RGS10: variants seen among roughly 807,000 people sequenced by gnomAD.
RGS10 encodes regulator of G-protein signalling 10.
RGS10 carries 11 observed loss-of-function variants against 23.5 expected under a neutral mutation model. That is an observed-to-expected ratio of 0.47 (90% CI 0.29 to 0.77). The LOEUF is 0.77. Ranked by LOEUF, RGS10 falls within the 30% of genes least tolerant of loss-of-function variation. RGS10 has a pLI of 0.08. For missense variants in RGS10, 180 were observed against 226.3 expected, an observed-to-expected ratio of 0.80 and a Z score of 1.31; for synonymous variants, 77 against 83.2, an observed-to-expected ratio of 0.92 and a Z score of 0.41.
intron 4 of RGS10, among the ~76,000 whole-genome samples, chr10:119,512,234 C>T (rs541729350): frequency 1.3e-4 from 20 of 152,286 alleles, no homozygotes; most frequent in South Asian, 4.2e-4. Context: ...AAGCCAAAGC[C>T]GCGGGAGAGG....
chr10:119,536,763 C>G (rs1028087744), intron 1 of RGS10, among the ~76,000 whole-genome samples: 1 of 152,118 alleles, frequency 6.6e-6, no homozygotes, highest in Non-Finnish European at 1.5e-5. Context: ...AGCCCTAGCC[C>G]GAAAACAAAG....
At chr10:119,541,119 A>T (rs1452370313) in intron 1 of RGS10, among the ~76,000 whole-genome samples, 1 of 152,238 alleles carries the variant, frequency 6.6e-6, no homozygotes, top group Non-Finnish European at 1.5e-5. Context: ...CATCACTGAA[A>T]CGGAGGCACA....
At chr10:119,533,195 G>T (rs746458565) in intron 1 of RGS10, among the ~76,000 whole-genome samples, 3 of 151,930 alleles carry the variant, frequency 2.0e-5, no homozygotes, top group Admixed American at 6.6e-5. Flanking sequence ...AGCCGGGCAT[G>T]GTGGCACGCA....
intron 4 of RGS10, among the ~76,000 whole-genome samples, chr10:119,503,666 C>T (rs1310279726): frequency 6.6e-6 from 1 of 152,158 alleles, no homozygotes; most frequent in Non-Finnish European, 1.5e-5. Context: ...CTTAGGGGTT[C>T]CTCACAGTTC....
intron 3 of RGS10, among the ~76,000 whole-genome samples, chr10:119,516,803 G>A (rs1844150031): frequency 6.6e-6 from 1 of 152,208 alleles, no homozygotes; most frequent in Non-Finnish European, 1.5e-5. Context: ...GGGCGGGGCT[G>A]CAGGCGCAGG....
At chr10:119,541,480 C>T (rs1387679831) in intron 1 of RGS10, among the ~76,000 whole-genome samples, 1 of 152,206 alleles carries the variant, frequency 6.6e-6, no homozygotes, top group Non-Finnish European at 1.5e-5. Context: ...GTTATTCCCA[C>T]TGTGCAGAAC....
At chr10:119,519,087 A>G (rs1342282623) in intron 3 of RGS10, among the ~76,000 whole-genome samples, 1 of 152,148 alleles carries the variant, frequency 6.6e-6, no homozygotes, top group Non-Finnish European at 1.5e-5. Flanking sequence ...CTCACGCTAC[A>G]CACAGGCTTC....
In RGS10 at chr10:119,500,054, C is replaced by A. The variant is rs184862536; in HGVS notation, c.*59G>T. 5.7e-5 allele frequency: 89 copies of A among 1,564,800 alleles called. 1 individual carries two copies. In the African/African-American group the frequency reaches 1.1e-3, roughly 19 times the overall value. ...TAACAAAGCAATGATAAACCCGGCA[C>A]GGTCCTGAGAGGAAATTCCTTTGCT... is the stretch of plus-strand genomic sequence containing the variant. On this transcript the variant is annotated 3_prime_UTR_variant, in exon 5 of 5. Transcript: ENST00000369103.
chr10:119,509,431 A>G (rs2133947204), intron 4 of RGS10, among the ~76,000 whole-genome samples: 1 of 151,690 alleles, frequency 6.6e-6, no homozygotes, highest in Admixed American at 6.6e-5. Flanking sequence ...TTTACAAAAA[A>G]TTAAAAAAAA....
chr10:119,504,237 T>A (rs1843984940), intron 4 of RGS10, among the ~76,000 whole-genome samples: 2 of 152,262 alleles, frequency 1.3e-5, no homozygotes, highest in South Asian at 4.1e-4. Flanking sequence ...TCACCCAGGC[T>A]GGAGTGCAGT....
At chr10:119,525,465 A>C (rs1844263540) in intron 3 of RGS10, among the ~76,000 whole-genome samples, 1 of 152,042 alleles carries the variant, frequency 6.6e-6, no homozygotes, top group Non-Finnish European at 1.5e-5. Context: ...GGCCTCATAA[A>C]CCCACCCAGG....
rs1430865164 is a variant in RGS10 at position 119,524,955 on chromosome 10, C to A, written c.255+1077G>T. Among the ~76,000 whole-genome samples the A allele has an allele frequency of 6.6e-6, 1 of 152,206 alleles. No homozygotes were observed. On this transcript the variant is annotated intron_variant, in intron 3 of 4. Coordinates refer to ENST00000369103, the MANE Select transcript of RGS10 (RefSeq NM_001005339.2). The surrounding 1 kb of genome is among the most constrained non-coding windows in gnomAD (Gnocchi z 5.2). ...TTTTCCAAGCAGTTGTCTGCAAACGCTTCACGGCTTCTGGCCCATAGATTC... is the reference window on the plus strand; with the variant it reads ...TTTTCCAAGCAGTTGTCTGCAAACGATTCACGGCTTCTGGCCCATAGATTC...
chr10:119,540,344 A>T (rs1243508157), intron 1 of RGS10, among the ~76,000 whole-genome samples: 1 of 152,124 alleles, frequency 6.6e-6, no homozygotes, highest in Non-Finnish European at 1.5e-5. Context: ...TCAACCTCCC[A>T]GGCTCAAGCC....
chr10:119,500,715 T>G (rs776430201), intron 4 of RGS10, among the ~76,000 whole-genome samples: 1 of 149,480 alleles, frequency 6.7e-6, no homozygotes, highest in Non-Finnish European at 1.5e-5. Context: ...CCAGTAAGTC[T>G]GGCATCCGAG....
At chr10:119,515,417 G>A in intron 4 of RGS10, 92 bp downstream of exon 4, 1 of 1,480,674 alleles carries the variant, frequency 6.8e-7, no homozygotes, top group Non-Finnish European at 9.3e-7. Context: ...TGGTTTCCAG[G>A]GAGTCTAACA....
chr10:119,512,204 A>G (rs1844086291), intron 4 of RGS10, among the ~76,000 whole-genome samples: 1 of 152,188 alleles, frequency 6.6e-6, no homozygotes, highest in South Asian at 2.1e-4. Flanking sequence ...CTCCACCATG[A>G]AGCCCAGCAG....
chr10:119,512,101 T>C (rs944549589), intron 4 of RGS10, among the ~76,000 whole-genome samples: 4 of 151,804 alleles, frequency 2.6e-5, no homozygotes, highest in African/African-American at 7.3e-5. Flanking sequence ...GCTGCCCTAC[T>C]AGAAGCTCAG....
Position 119,500,025 on chromosome 10 carries a change from C to A in RGS10, c.*88G>T. On this transcript the variant is annotated 3_prime_UTR_variant, in exon 5 of 5. Coordinates refer to ENST00000369103, the MANE Select transcript of RGS10 (RefSeq NM_001005339.2). ...AGGGTTTTGTACATTTCAGTCCTTACAAATAACAAAGCAATGATAAACCCG... is the reference window on the plus strand; with the variant it reads ...AGGGTTTTGTACATTTCAGTCCTTAAAAATAACAAAGCAATGATAAACCCG... The A allele has an allele frequency of 1.4e-6, 2 of 1,408,814 alleles. No individual in the cohort carries two copies. Among genetic ancestry groups the A allele is most frequent in the East Asian group, 2.3e-5 (1 of 43,410 alleles). 87.3% of individuals were successfully genotyped at this position (1,408,814 alleles called of 1,614,324 possible).
At chr10:119,513,935 A>T (rs1844108802) in intron 4 of RGS10, among the ~76,000 whole-genome samples, 1 of 151,996 alleles carries the variant, frequency 6.6e-6, no homozygotes, top group African/African-American at 2.4e-5. Context: ...ACTTAATGCT[A>T]AAAAAAACAC....
Sources: allele counts gnomAD v4.1 joint callset (sites outside exome capture counted in the v4.1 genomes callset), GRCh38; gene constraint gnomAD v4.1.1; non-coding constraint Gnocchi (gnomAD v3.1); transcripts MANE v1.5; gene names NCBI Gene and HGNC (gene_info 2026-07-23, HGNC 2026-07-21).